The following PCDHA3 variants were observed in gnomAD, a reference collection of about 807,000 sequenced individuals.
The protein encoded by PCDHA3 is protocadherin alpha-3.
Under a neutral mutation model 62.2 loss-of-function variants are expected in PCDHA3, and 41 were observed. The ratio of observed to expected loss-of-function variants is 0.66; its 90% CI spans 0.51 to 0.86. The LOEUF (loss-of-function observed/expected upper bound fraction) is 0.86. Ranked by LOEUF, PCDHA3 falls within the 40% of genes least tolerant of loss-of-function variation. The pLI is 0.00. For missense variants in PCDHA3, 1,304 were observed against 1,241.2 expected (o/e 1.05, Z -0.76); for synonymous variants, 640 against 555.4 (o/e 1.15, Z -2.14).
chr5:140,967,024 T>G, intron 1 of PCDHA3: 1 of 1,608,238 alleles, frequency 6.2e-7, no homozygotes, highest in Non-Finnish European at 8.5e-7. Flanking sequence ...GTGCGCCCAG[T>G]CCGCGCTACC....
chr5:141,007,395 C>CAAAAAAA (rs35800918), intron 3 of PCDHA3, among the ~76,000 whole-genome samples: 1,149 of 94,062 alleles, frequency 0.012, no homozygotes, highest in African/African-American at 0.016. Flanking sequence ...TACTAAAATA[C>CAAAAAAA]AAAAAAAAAA....
At chr5:140,833,460 T>C (rs1440945863) in intron 1 of PCDHA3, among the ~76,000 whole-genome samples, 2 of 152,148 alleles carry the variant, frequency 1.3e-5, no homozygotes, top group Non-Finnish European at 2.9e-5. Context: ...AAAATAAACT[T>C]ACATTTTAAA....
At chr5:140,828,069 AAAT>A (rs2150150559) in intron 1 of PCDHA3, 3 of 1,564,606 alleles carry the variant, frequency 1.9e-6, no homozygotes, top group Non-Finnish European at 2.6e-6. Flanking sequence ...CTTCTAATGG[AAAT>A]AAAACCAGAG....
At chr5:140,978,486 G>T (rs1289847782) in intron 1 of PCDHA3, among the ~76,000 whole-genome samples, 1 of 152,248 alleles carries the variant, frequency 6.6e-6, no homozygotes, top group Admixed American at 6.5e-5. Flanking sequence ...AGTCTGCAAA[G>T]CCAGCAGCAG....
chr5:140,821,883 G>A, intron 1 of PCDHA3: 1 of 1,614,238 alleles, frequency 6.2e-7, no homozygotes, highest in Non-Finnish European at 8.5e-7. Flanking sequence ...CGATCCCGGA[G>A]GAAGCCAAAC....
intron 1 of PCDHA3, chr5:140,926,964 C>G (rs149218057): frequency 1.9e-6 from 3 of 1,606,346 alleles, no homozygotes; most frequent in African/African-American, 2.7e-5. Flanking sequence ...AGCTCGAGTA[C>G]TCAGTGCCGG....
At chr5:140,814,133 TACA>T (rs1334551555) in intron 1 of PCDHA3, 8 of 153,298 alleles carry the variant, frequency 5.2e-5, no homozygotes, top group African/African-American at 1.4e-4. Context: ...TGTACAGCTG[TACA>T]AAAATATTTT....
intron 1 of PCDHA3, chr5:140,926,825 G>GT (rs1175916332): frequency 1.3e-6 from 2 of 1,499,578 alleles, no homozygotes; most frequent in Non-Finnish European, 1.8e-6. Flanking sequence ...CTCTCCAGGA[G>GT]TCCGGAGCAT....
At chr5:140,929,481 A>G (rs1192778322) in intron 1 of PCDHA3, 4 of 1,195,836 alleles carry the variant, frequency 3.3e-6, no homozygotes, top group Non-Finnish European at 4.5e-6. Flanking sequence ...GGAAGTATAG[A>G]AGTATTAGAA....
intron 1 of PCDHA3, chr5:140,848,167 C>A (rs1554142004): frequency 3.9e-6 from 1 of 254,352 alleles, no homozygotes; most frequent in African/African-American, 2.2e-5. Context: ...TAAGAAGGCT[C>A]CAGCAAGAGA....
chr5:140,928,066 G>A lies in PCDHA3; in HGVS notation c.2395-50883G>A, dbSNP rs376048656. On this transcript the variant is annotated intron_variant, in intron 1 of 3. Transcript: ENST00000522353. ...CCCTTTTCAGCTGACGGCTTCCTTT[G>A]ACAACTACTACAGCCTGCTGATTGA... 8.7e-6 allele frequency: 14 copies of A among 1,614,036 alleles called. No individual in the cohort carries two copies. In the African/African-American group the frequency reaches 1.9e-4, roughly 22 times the overall value.
rs528939441 is a variant in PCDHA3 at position 140,858,900 on chromosome 5, G to C, written c.2394+55309G>C. ...CCTCCATGTGTAGAATATGTGTAGCGTACCACAGCTTATACTGCCATAGTA... is the reference window on the plus strand; with the variant it reads ...CCTCCATGTGTAGAATATGTGTAGCCTACCACAGCTTATACTGCCATAGTA... On this transcript the variant is annotated intron_variant, in intron 1 of 3. Transcript: ENST00000522353. 2 of 203,044 alleles carry C rather than the reference G, an allele frequency of 9.9e-6. 1 individual carries two copies. Among genetic ancestry groups the C allele is most frequent in the African/African-American group, 4.8e-5 (2 of 41,680 alleles). 12.6% of individuals were successfully genotyped at this position (203,044 alleles called of 1,614,324 possible). A position where few individuals can be genotyped will look rare whatever the true frequency, so the allele number is the denominator to read the frequency against.
In PCDHA3 at chr5:140,870,260, G is replaced by T. The variant is rs782261095; in HGVS notation, c.2394+66669G>T. The T allele has an allele frequency of 2.0e-5, 32 of 1,614,082 alleles. No individual in the cohort carries two copies. The highest frequency in any genetic ancestry group is 3.3e-4 in the Middle Eastern group (2 of 6,082). On this transcript the variant is annotated intron_variant, in intron 1 of 3. Coordinates refer to ENST00000522353, the MANE Select transcript of PCDHA3 (RefSeq NM_018906.3). ...TCAGGTGTCAACGGACAGGTGACCT[G>T]CTCGCTGACGCCCCACGTTCCCTTC...
chr5:140,966,545 G>T (rs1554228431), intron 1 of PCDHA3: 1 of 465,862 alleles, frequency 2.1e-6, no homozygotes, highest in East Asian at 3.5e-5. Context: ...CGACTCGGAG[G>T]CGAGCGGAGG....
Position 140,802,133 on chromosome 5 carries a change from A to G in PCDHA3, c.936A>G (p.Glu312=). 3 of 1,614,210 alleles carry G rather than the reference A, an allele frequency of 1.9e-6. No individual in the cohort carries two copies. The highest frequency in any genetic ancestry group is 2.5e-6 in the Non-Finnish European group (3 of 1,180,038). ...TAAAGGGTAACATAGATTTCGAGGAAAGTAAGTCATATGAAATCCAGGTAG... is the reference window on the plus strand; with the variant it reads ...TAAAGGGTAACATAGATTTCGAGGAGAGTAAGTCATATGAAATCCAGGTAG... ...ISVKGNIDFE[E]SKSYEIQVEA... The change falls in exon 1 of 4, where the codon GAA becomes GAG. Residue 312 remains glutamate (E), a synonymous_variant. Coordinates refer to ENST00000522353, the MANE Select transcript of PCDHA3 (RefSeq NM_018906.3).
intron 1 of PCDHA3, chr5:140,823,222 G>C: frequency 6.2e-7 from 1 of 1,613,732 alleles, no homozygotes; most frequent in Non-Finnish European, 8.5e-7. Flanking sequence ...GGACGCGGAC[G>C]CGCAGGAGAA....
intron 1 of PCDHA3, chr5:140,823,165 A>C: frequency 6.2e-7 from 1 of 1,613,828 alleles, no homozygotes; most frequent in East Asian, 2.2e-5. Context: ...CGTGTTCGTG[A>C]AGGAGAACAA....
intron 1 of PCDHA3, among the ~76,000 whole-genome samples, chr5:140,885,309 T>C (rs1456816250): frequency 6.6e-6 from 1 of 152,194 alleles, no homozygotes; most frequent in Non-Finnish European, 1.5e-5. Context: ...GTAGGCTTTT[T>C]GTTATTATTT....
Position 140,803,572 on chromosome 5 carries a change from A to C in PCDHA3, c.2375A>C (p.Asp792Ala), listed in dbSNP as rs782466651. 9.3e-6 allele frequency: 15 copies of C among 1,614,230 alleles called. No individual in the cohort carries two copies. Among genetic ancestry groups the C allele is most frequent in the Non-Finnish European group, 1.3e-5 (15 of 1,180,038 alleles). ...SRDREEKQDV[D>A]VDLSAKPRQP... ...GATAGAGAGGAGAAACAGGATGTGG[A>C]CGTTGATCTCTCAGCCAAAGTGAGT... Residue 792 changes from aspartate to alanine, a missense_variant, in exon 1 of 4, where the codon GAC becomes GCC. Transcript: ENST00000522353.
Sources: allele counts gnomAD v4.1 joint callset (sites outside exome capture counted in the v4.1 genomes callset), GRCh38; gene constraint gnomAD v4.1.1; transcripts MANE v1.5; gene names NCBI Gene and HGNC (gene_info 2026-07-23, HGNC 2026-07-21).